SORT1: variants seen among roughly 807,000 people sequenced by gnomAD.
The protein encoded by SORT1 is sortilin 1, also known as sortilin.
A neutral mutation model predicts 101.7 loss-of-function variants in SORT1; 39 were observed. The ratio of observed to expected loss-of-function variants is 0.38; its 90% CI spans 0.30 to 0.50. The LOEUF (loss-of-function observed/expected upper bound fraction) is 0.50. SORT1 is among the 20% of genes least tolerant of loss of function. The pLI is 0.90. For synonymous variants in SORT1, 396 were observed against 393.7 expected, an observed-to-expected ratio of 1.01 and a Z score of -0.07; for missense variants, 878 against 1,040.4, an observed-to-expected ratio of 0.84 and a Z score of 2.15.
chr1:109,346,229 C>G (rs577648350), intron 7 of SORT1, among the ~76,000 whole-genome samples: 3 of 148,726 alleles, frequency 2.0e-5, no homozygotes, highest in African/African-American at 7.5e-5. Flanking sequence ...AGGAGAATGG[C>G]GTGAACCCGG....
intron 11 of SORT1, among the ~76,000 whole-genome samples, chr1:109,335,498 TAAAAC>T (rs779444623): frequency 1.3e-5 from 2 of 152,096 alleles, no homozygotes; most frequent in African/African-American, 2.4e-5. Context: ...TTGAGGCTCT[TAAAAC>T]AAAACAGAAA....
intron 15 of SORT1, among the ~76,000 whole-genome samples, chr1:109,320,690 A>ATGGCACC (rs1357636512): frequency 1.3e-5 from 2 of 152,062 alleles, no homozygotes; most frequent in African/African-American, 4.8e-5. Flanking sequence ...CTAAATCCCC[A>ATGGCACC]TGGCACCTGG....
At chr1:109,318,667 G>A (rs79943537) in intron 15 of SORT1, among the ~76,000 whole-genome samples, 19 of 151,982 alleles carry the variant, frequency 1.3e-4, no homozygotes, top group African/African-American at 3.6e-4. Context: ...CCCCCTCCCC[G>A]CTTTTTTTTT....
rs539292085 is a variant in SORT1, at chr1:109,390,130, C to T, written c.306+7457G>A. ...TTGGATTTTCCTACTTCCTTCGTGC[C>T]GTTACAGATCTCCCTAAAAATCACC... On this transcript the variant is annotated intron_variant, in intron 1 of 19. Coordinates refer to ENST00000256637, the MANE Select transcript of SORT1 (RefSeq NM_002959.7). 8.3e-4 allele frequency among the ~76,000 whole-genome samples: 127 copies of T among 152,228 alleles called. 2 individuals are homozygous for T. Among genetic ancestry groups the T allele is most frequent in the Non-Finnish European group, 2.2e-4 (15 of 68,010 alleles).
intron 13 of SORT1, among the ~76,000 whole-genome samples, chr1:109,325,927 G>A (rs147497082): frequency 0.024 from 3,638 of 152,182 alleles, 143 homozygotes; most frequent in African/African-American, 0.083. Context: ...TTTGAACCTG[G>A]GAGGCAGAGG....
At chr1:109,333,791 T>C (rs769265584) in intron 11 of SORT1, among the ~76,000 whole-genome samples, 7 of 152,192 alleles carry the variant, frequency 4.6e-5, no homozygotes, top group African/African-American at 7.2e-5. Context: ...CTGTACACTG[T>C]TGGTGGGAAT....
At chr1:109,347,019 C>T (rs897596160) in intron 7 of SORT1, among the ~76,000 whole-genome samples, 1 of 152,120 alleles carries the variant, frequency 6.6e-6, no homozygotes, top group Non-Finnish European at 1.5e-5. Flanking sequence ...GAGGGCAGGC[C>T]TTGGGTGTTT....
At chr1:109,316,270 T>G (rs1647212920) in intron 17 of SORT1, among the ~76,000 whole-genome samples, 2 of 151,308 alleles carry the variant, frequency 1.3e-5, no homozygotes, top group African/African-American at 2.4e-5. Context: ...CAGGTTGGAG[T>G]GTAGCAGCAC....
At chr1:109,372,456 G>C (rs1651538205) in intron 1 of SORT1, among the ~76,000 whole-genome samples, 1 of 152,114 alleles carries the variant, frequency 6.6e-6, no homozygotes, top group Non-Finnish European at 1.5e-5. Flanking sequence ...TGACGCCCAA[G>C]TAAAAGGATA....
Position 109,347,588 on chromosome 1 carries a change from G to A in SORT1, c.783-56C>T, listed in dbSNP as rs1649687110. The A allele has an allele frequency of 3.2e-6, 4 of 1,260,556 alleles. No individual in the cohort carries two copies. The African/African-American group carries it at 4.4e-5, about 14-fold the overall frequency. 78.1% of individuals were successfully genotyped at this position (1,260,556 alleles called of 1,614,324 possible). A position where few individuals can be genotyped will look rare whatever the true frequency, so the allele number is the denominator to read the frequency against. On this transcript the variant is annotated intron_variant, in intron 6 of 19. Coordinates refer to ENST00000256637, the MANE Select transcript of SORT1 (RefSeq NM_002959.7). The stretch of plus-strand genomic sequence containing the variant: ...TGGTTTAAGACTGCTGAAGGACTGT[G>A]TTGACCTTACTCACAAACTTCCTAG...
chr1:109,349,134 C>T (rs372651360), intron 6 of SORT1, among the ~76,000 whole-genome samples: 2 of 152,220 alleles, frequency 1.3e-5, no homozygotes, highest in East Asian at 3.9e-4. Context: ...ATCAGGAGGT[C>T]AGGAGTTTGA....
At chr1:109,356,154 G>A (rs1442388937) in intron 3 of SORT1, among the ~76,000 whole-genome samples, 2 of 152,192 alleles carry the variant, frequency 1.3e-5, no homozygotes, top group African/African-American at 4.8e-5. Context: ...TTACAGGCAT[G>A]AGCCACTGTG....
At chr1:109,336,823 A>G (rs1431649917) in intron 10 of SORT1, among the ~76,000 whole-genome samples, 1 of 152,086 alleles carries the variant, frequency 6.6e-6, no homozygotes, top group Non-Finnish European at 1.5e-5. Flanking sequence ...AAAAAAAAAA[A>G]AAAAAGATAT....
intron 10 of SORT1, among the ~76,000 whole-genome samples, chr1:109,340,105 C>T (rs1471540521): frequency 3.6e-5 from 5 of 139,096 alleles, no homozygotes; most frequent in Admixed American, 3.2e-4. Context: ...GCTGAGATCA[C>T]GCCACCGCAC....
intron 1 of SORT1, among the ~76,000 whole-genome samples, chr1:109,371,745 T>A (rs976025906): frequency 6.6e-6 from 1 of 152,158 alleles, no homozygotes; most frequent in African/African-American, 2.4e-5. Context: ...ACCTCACTCA[T>A]CATCCAAAGA....
chr1:109,326,510 CATACACAT>C (rs1195890409), intron 13 of SORT1, among the ~76,000 whole-genome samples: 3,141 of 132,592 alleles, frequency 0.024, 146 homozygotes, highest in African/African-American at 0.083. Flanking sequence ...TATATACACA[CATACACAT>C]ATATATACAC....
chr1:109,345,120 C>T (rs1429254811), intron 8 of SORT1, among the ~76,000 whole-genome samples: 1 of 152,226 alleles, frequency 6.6e-6, no homozygotes, highest in South Asian at 2.1e-4. Context: ...ATATAGTAGG[C>T]ACTCAATTAA....
chr1:109,341,396 G>T (rs1484224368), intron 9 of SORT1, among the ~76,000 whole-genome samples: 1 of 151,838 alleles, frequency 6.6e-6, no homozygotes, highest in African/African-American at 2.4e-5. Context: ...GCCCAGGCTG[G>T]AGTGCAGTGG....
At chr1:109,315,396 T>C (rs1658969326) in intron 17 of SORT1, among the ~76,000 whole-genome samples, 1 of 151,222 alleles carries the variant, frequency 6.6e-6, no homozygotes, top group Admixed American at 6.6e-5. Flanking sequence ...TGGGTGGGAG[T>C]CCTGTGCAAT....
Sources: allele counts gnomAD v4.1 joint callset (sites outside exome capture counted in the v4.1 genomes callset), GRCh38; gene constraint gnomAD v4.1.1; transcripts MANE v1.5; gene names NCBI Gene and HGNC (gene_info 2026-07-23, HGNC 2026-07-21).